Variants in RELL1 observed in about 807,000 individuals in gnomAD.
RELL1 encodes the protein RELT-like protein 1.
RELL1 carries 10 observed loss-of-function variants against 23.0 expected under a neutral mutation model. That is an observed-to-expected ratio of 0.43 (90% CI 0.27 to 0.74). The LOEUF (loss-of-function observed/expected upper bound fraction) is 0.74. Among genes scored for constraint, RELL1 ranks in the 30% least tolerant of loss-of-function variants. RELL1 has a pLI of 0.19. For missense variants in RELL1, 315 were observed against 364.4 expected (o/e 0.86, Z 1.10); for synonymous variants, 146 against 146.8 (o/e 0.99, Z 0.04).
At chr4:37,669,842 T>C (rs886384680) in intron 1 of RELL1, among the ~76,000 whole-genome samples, 4 of 151,680 alleles carry the variant, frequency 2.6e-5, no homozygotes, top group African/African-American at 7.3e-5. Context: ...GAAGGCAGCA[T>C]GCTCGTTAAG....
At chr4:37,665,233 C>G (rs766951046) in intron 1 of RELL1, 1 of 456,170 alleles carries the variant, frequency 2.2e-6, no homozygotes. Flanking sequence ...ACAGTTTTTA[C>G]AAACATAAAT....
intron 3 of RELL1, among the ~76,000 whole-genome samples, chr4:37,643,635 A>C (rs56012333): frequency 6.6e-6 from 1 of 152,220 alleles, no homozygotes. Flanking sequence ...ATTAATTCCA[A>C]TTTATCAAAG....
chr4:37,680,596 T>A (rs983901859), intron 1 of RELL1, among the ~76,000 whole-genome samples: 2 of 152,176 alleles, frequency 1.3e-5, no homozygotes, highest in Non-Finnish European at 2.9e-5. Context: ...TTATATTGCA[T>A]TATGAACCTA....
chr4:37,649,266 G>A lies in RELL1; in HGVS notation c.313+10C>T. On this transcript the variant is annotated intron_variant, in intron 2 of 6. Transcript: ENST00000454158. Reference sequence around the variant, plus strand: ...CCTCACCCCCAATAAAAAGAGCCCTGGTTATTTACCTATCTTTTCAACCTT... The same window carrying A: ...CCTCACCCCCAATAAAAAGAGCCCTAGTTATTTACCTATCTTTTCAACCTT... 1.2e-6 allele frequency: 2 copies of A among 1,604,888 alleles called. No homozygotes were observed. The highest frequency in any genetic ancestry group is 1.7e-6 in the Non-Finnish European group (2 of 1,172,254).
At chr4:37,622,854 A>G in intron 6 of RELL1, 2 of 442,462 alleles carry the variant, frequency 4.5e-6, no homozygotes, top group South Asian at 3.1e-5. Context: ...ACCCCGGCTG[A>G]AGTGCAGTGG....
At chr4:37,656,163 A>T (rs1207071539) in intron 1 of RELL1, among the ~76,000 whole-genome samples, 1 of 152,248 alleles carries the variant, frequency 6.6e-6, no homozygotes. Flanking sequence ...ATGGAATATT[A>T]TTCAGCTTTA....
At position 37,649,300 on chromosome 4, in the gene RELL1, C is replaced by T. The variant is rs761509237; in HGVS notation, c.289G>A (p.Glu97Lys). 20 of 1,614,142 alleles carry T rather than the reference C, an allele frequency of 1.2e-5. No homozygotes were observed. The highest frequency in any genetic ancestry group is 2.2e-5 in the South Asian group (2 of 91,058). ...RCTTEAEQDIEEEKVEKIELN... is the reference protein window; with the variant it reads ...RCTTEAEQDIKEEKVEKIELN... ...CCTATCTTTTCAACCTTTTCCTCTT[C>T]GATATCTTGCTCTGCTTCTGTTGTA... is the stretch of plus-strand genomic sequence containing the variant. Residue 97 changes from glutamate (E) to lysine (K), a missense_variant, in exon 2 of 7, where the codon GAA becomes AAA. Glu to Lys is a moderately conservative substitution (Grantham distance 56, BLOSUM62 1). Transcript: ENST00000454158.
rs1256917014 is a variant in RELL1, at chr4:37,625,881, T to A, written c.*3+5504A>T. Among the ~76,000 whole-genome samples the A allele has an allele frequency of 4.0e-5, 6 of 151,860 alleles. No individual in the cohort carries two copies. The East Asian group carries it at 1.2e-3, about 29-fold the overall frequency. The stretch of plus-strand genomic sequence containing the variant: ...TGTCGTACATAATAAATATAGATAA[T>A]TTTTGTCAATAAAAATAAATAAAAT... On this transcript the variant is annotated intron_variant, in intron 6 of 6. Coordinates refer to ENST00000454158, the MANE Select transcript of RELL1 (RefSeq NM_001085400.2).
At chr4:37,634,830 C>T (rs1310372416) in intron 5 of RELL1, 57 bp downstream of exon 5, 1 of 1,407,608 alleles carries the variant, frequency 7.1e-7, no homozygotes, top group African/African-American at 1.4e-5. Context: ...AAGCAGAAGT[C>T]CACACACCAG....
downstream of RELL1, chr4:37,590,360 G>A (rs1283290167): frequency 6.2e-7 from 1 of 1,613,702 alleles, no homozygotes; most frequent in East Asian, 2.2e-5. Flanking sequence ...AACGGCATCG[G>A]CCCTGCTGCC....
intron 1 of RELL1, among the ~76,000 whole-genome samples, chr4:37,654,160 C>A (rs1577592647): frequency 6.6e-6 from 1 of 152,140 alleles, no homozygotes; most frequent in Admixed American, 6.6e-5. Context: ...TCATAAAAGA[C>A]CTGCATTATT....
At chr4:37,599,305 G>A (rs756763974) in intron 6 of RELL1, among the ~76,000 whole-genome samples, 4 of 152,184 alleles carry the variant, frequency 2.6e-5, no homozygotes, top group Non-Finnish European at 4.4e-5. Context: ...GAGATGGAAG[G>A]AAACCTCAAA....
At chr4:37,684,873 A>T (rs1722346004) in intron 1 of RELL1, among the ~76,000 whole-genome samples, 1 of 152,162 alleles carries the variant, frequency 6.6e-6, no homozygotes, top group South Asian at 2.1e-4. Flanking sequence ...GAATCACTTG[A>T]ACCAGAGAGC....
intron 6 of RELL1, among the ~76,000 whole-genome samples, chr4:37,620,197 C>T (rs1719720950): frequency 6.6e-6 from 1 of 152,154 alleles, no homozygotes; most frequent in African/African-American, 2.4e-5. Flanking sequence ...AATGTATATT[C>T]CTGCAAATTA....
intron 1 of RELL1, among the ~76,000 whole-genome samples, chr4:37,658,903 C>T (rs776423190): frequency 3.9e-5 from 6 of 152,144 alleles, no homozygotes; most frequent in Non-Finnish European, 7.3e-5. Flanking sequence ...CACCAGACTC[C>T]AAAGCAGTTT....
At chr4:37,676,168 C>T (rs989115576) in intron 1 of RELL1, among the ~76,000 whole-genome samples, 2 of 152,138 alleles carry the variant, frequency 1.3e-5, no homozygotes, top group African/African-American at 2.4e-5. Flanking sequence ...GGCCCTGTGT[C>T]ATACTTTCCT....
At position 37,624,265 on chromosome 4, in the gene RELL1, C is replaced by T. The variant is rs532173281; in HGVS notation, c.*3+7120G>A. On this transcript the variant is annotated intron_variant, in intron 6 of 6. Transcript: ENST00000454158. The stretch of plus-strand genomic sequence containing the variant: ...AAGCAGAACACCGGCACAGCAGTCA[C>T]GCTTAGGCCGAAAACGTCTCTGTCC... Among the ~76,000 whole-genome samples, 25 of 152,284 alleles carry T rather than the reference C, an allele frequency of 1.6e-4. No homozygotes were observed. The East Asian group carries it at 2.1e-3, about 13-fold the overall frequency.
At chr4:37,640,505 C>G (rs540769794) in intron 3 of RELL1, among the ~76,000 whole-genome samples, 2 of 152,200 alleles carry the variant, frequency 1.3e-5, no homozygotes, top group African/African-American at 4.8e-5. Flanking sequence ...ATACAAAATA[C>G]AGTAGTCCTC....
intron 5 of RELL1, 57 bp from the exon 6 acceptor site, chr4:37,631,580 T>A: frequency 1.3e-6 from 2 of 1,578,988 alleles, no homozygotes; most frequent in Admixed American, 1.8e-5. Flanking sequence ...ACAAGAATTA[T>A]GAATAAAGCA....
Sources: gnomAD v4.1 joint callset for allele counts (sites outside exome capture counted in the v4.1 genomes callset) on GRCh38, gnomAD v4.1.1 for gene constraint, MANE v1.5 for transcripts, NCBI Gene and HGNC (gene_info 2026-07-23, HGNC 2026-07-21) for gene names.